Variants in NTM observed in about 807,000 individuals in gnomAD.
NTM encodes neurotrimin.
NTM carries 13 observed loss-of-function variants against 42.1 expected under a neutral mutation model. The ratio of observed to expected loss-of-function variants is 0.31; its 90% CI spans 0.20 to 0.49. The LOEUF is 0.49. NTM is among the 20% of genes least tolerant of loss of function. The pLI is 0.99. For synonymous variants in NTM, 187 were observed against 179.2 expected, an observed-to-expected ratio of 1.04 and a Z score of -0.35; for missense variants, 373 against 452.8, an observed-to-expected ratio of 0.82 and a Z score of 1.60.
chr11:131,582,772 A>G (rs985448595), intron 1 of NTM, among the ~76,000 whole-genome samples: 3 of 152,132 alleles, frequency 2.0e-5, no homozygotes, highest in Non-Finnish European at 2.9e-5. Context: ...TAGACAAACA[A>G]CAACCCCCAC....
chr11:132,332,373 A>G (rs1302799053), intron 8 of NTM: 1 of 152,110 alleles, frequency 6.6e-6, no homozygotes, highest in Non-Finnish European at 1.5e-5. Context: ...AGTGCCAGCC[A>G]CTCACCAGCC....
chr11:131,392,588 T>C (rs1258109219), intron 1 of NTM, among the ~76,000 whole-genome samples: 3 of 152,220 alleles, frequency 2.0e-5, no homozygotes, highest in Non-Finnish European at 4.4e-5. Flanking sequence ...ATGTGTTTTA[T>C]AAGCTTCGCC....
chr11:131,507,131 C>T (rs1014573367), intron 1 of NTM, among the ~76,000 whole-genome samples: 5 of 152,152 alleles, frequency 3.3e-5, no homozygotes, highest in Non-Finnish European at 4.4e-5. Context: ...TTTCTTTCCA[C>T]TTCAGGGATG....
intron 1 of NTM, among the ~76,000 whole-genome samples, chr11:131,779,490 A>G (rs1413331362): frequency 2.0e-5 from 3 of 152,182 alleles, no homozygotes; most frequent in Non-Finnish European, 4.4e-5. Flanking sequence ...AATATGATAG[A>G]TGGTGTCCTT....
At chr11:131,926,044 G>A (rs1013786857) in intron 2 of NTM, among the ~76,000 whole-genome samples, 1 of 152,106 alleles carries the variant, frequency 6.6e-6, no homozygotes, top group South Asian at 2.1e-4. Context: ...GCTGTTCTAG[G>A]TGCTAAGTTC....
At chr11:132,272,897 G>A (rs1274909616) in intron 4 of NTM, among the ~76,000 whole-genome samples, 1 of 152,084 alleles carries the variant, frequency 6.6e-6, no homozygotes, top group Non-Finnish European at 1.5e-5. Flanking sequence ...AGAGTACAAT[G>A]TTGACTAGAA....
At chr11:131,823,487 C>T (rs964832715) in intron 1 of NTM, among the ~76,000 whole-genome samples, 2 of 152,066 alleles carry the variant, frequency 1.3e-5, no homozygotes, top group African/African-American at 2.4e-5. Flanking sequence ...TGCTATGAAC[C>T]CTCTAGCTGA....
intron 1 of NTM, among the ~76,000 whole-genome samples, chr11:131,713,452 C>T (rs1288712077): frequency 1.3e-5 from 2 of 152,184 alleles, no homozygotes; most frequent in African/African-American, 4.8e-5. Flanking sequence ...CTTCTTGCCA[C>T]CAGGAGCAAT....
intron 2 of NTM, among the ~76,000 whole-genome samples, chr11:132,040,029 A>G (rs1223902272): frequency 2.6e-5 from 4 of 152,002 alleles, no homozygotes; most frequent in African/African-American, 4.8e-5. Flanking sequence ...GGTTCAAGCA[A>G]TTATCCTGCC....
intron 1 of NTM, among the ~76,000 whole-genome samples, chr11:131,890,156 GTCTCTCTCTCTC>G (rs371353789): frequency 1.8e-5 from 1 of 54,950 alleles, no homozygotes. Context: ...CTCTCTCTCT[GTCTCTCTCTCTC>G]TCTCTCTCTG....
chr11:131,878,880 G>T (rs1247539067), intron 1 of NTM, among the ~76,000 whole-genome samples: 2 of 151,768 alleles, frequency 1.3e-5, no homozygotes, highest in African/African-American at 2.4e-5. Context: ...TGCCTAAGAG[G>T]AGTTCCCACC....
At chr11:131,857,614 G>C (rs905683925) in intron 1 of NTM, among the ~76,000 whole-genome samples, 4 of 152,152 alleles carry the variant, frequency 2.6e-5, no homozygotes, top group Non-Finnish European at 5.9e-5. Context: ...ACTCCCACAG[G>C]ACAAGCAGTC....
intron 2 of NTM, among the ~76,000 whole-genome samples, chr11:132,030,411 T>C (rs193234435): frequency 1.0e-3 from 152 of 152,330 alleles, no homozygotes; most frequent in African/African-American, 3.6e-3. Context: ...GAGCCTATTA[T>C]TTAATTACTC....
intron 1 of NTM, among the ~76,000 whole-genome samples, chr11:131,899,886 T>C (rs1184103137): frequency 2.0e-5 from 3 of 152,240 alleles, no homozygotes; most frequent in Non-Finnish European, 4.4e-5. Context: ...TCCTCGTTTG[T>C]AGAGATTTGG....
At chr11:131,907,731 A>G (rs1007160943) in intron 1 of NTM, among the ~76,000 whole-genome samples, 1 of 151,548 alleles carries the variant, frequency 6.6e-6, no homozygotes, top group African/African-American at 2.5e-5. Context: ...TATAAAGAAC[A>G]CAAATAATGA....
At chr11:132,162,841 G>C (rs2074619001) in intron 3 of NTM, among the ~76,000 whole-genome samples, 1 of 151,912 alleles carries the variant, frequency 6.6e-6, no homozygotes, top group African/African-American at 2.4e-5. Flanking sequence ...TGTGTTTGTG[G>C]AGCATGTGTG....
intron 2 of NTM, among the ~76,000 whole-genome samples, chr11:131,946,168 A>G (rs2060324128): frequency 6.6e-6 from 1 of 152,164 alleles, no homozygotes; most frequent in East Asian, 1.9e-4. Context: ...AAGCTGGGTC[A>G]TGCAGGCAGT....
At chr11:132,103,138 G>T (rs766314592) in intron 2 of NTM, among the ~76,000 whole-genome samples, 4 of 152,214 alleles carry the variant, frequency 2.6e-5, no homozygotes, top group African/African-American at 9.6e-5. Context: ...GGAGGTGACC[G>T]CCTGGGCGCA....
intron 3 of NTM, among the ~76,000 whole-genome samples, chr11:132,156,357 T>A (rs1250965323): frequency 6.6e-6 from 1 of 152,230 alleles, no homozygotes; most frequent in African/African-American, 2.4e-5. Flanking sequence ...TCTCTTTTGC[T>A]TTTCACCCAG....
Sources: gnomAD v4.1 joint callset for allele counts (sites outside exome capture counted in the v4.1 genomes callset) on GRCh38, gnomAD v4.1.1 for gene constraint, MANE v1.5 for transcripts, NCBI Gene and HGNC (gene_info 2026-07-23, HGNC 2026-07-21) for gene names.